The following MTA1 variants were observed in gnomAD, a reference collection of about 807,000 sequenced individuals.
MTA1 encodes the protein metastasis-associated protein MTA1.
MTA1 carries 15 observed loss-of-function variants against 97.0 expected under a neutral mutation model. The observed-to-expected ratio is 0.15, with a 90% CI of 0.10 to 0.24. The LOEUF (loss-of-function observed/expected upper bound fraction) is 0.24, where lower values mean the gene tolerates loss of function less well. MTA1 is among the 10% of genes least tolerant of loss of function. The pLI is 1.00. For synonymous variants in MTA1, 435 were observed against 417.5 expected (o/e 1.04, Z -0.51); for missense variants, 709 against 1,015.1 (o/e 0.70, Z 4.10).
chr14:105,457,638 A>G (rs2083201914), intron 7 of MTA1, among the ~76,000 whole-genome samples: 1 of 152,260 alleles, frequency 6.6e-6, no homozygotes, highest in Non-Finnish European at 1.5e-5. Context: ...CAAAATAAAA[A>G]GCTTGGGCCG....
intron 1 of MTA1, among the ~76,000 whole-genome samples, chr14:105,428,560 G>A (rs587621818): frequency 6.6e-6 from 1 of 152,240 alleles, no homozygotes; most frequent in Non-Finnish European, 1.5e-5. Flanking sequence ...GAGCCACCAT[G>A]CCCAGCCTTA....
Position 105,466,426 on chromosome 14 carries a change from A to AGGGGGGGGGGCG in MTA1, c.1626_1627insGGGGGGGGGCGG (p.Glu542_Thr543insGlyGlyGlyArg). ...GTTCTGCCTGTGTCATTCCCGGCAG[A>AGGGGGGGGGGCG]GACCCACCCCCGCCCCCCCAAGCCT... On this transcript the variant is annotated inframe_insertion and splice_region_variant, in exon 17 of 21. Transcript: ENST00000331320. The AGGGGGGGGGGCG allele has an allele frequency of 1.3e-6, 2 of 1,484,214 alleles. No homozygotes were observed. Among genetic ancestry groups the AGGGGGGGGGGCG allele is most frequent in the Non-Finnish European group, 1.9e-6 (2 of 1,071,316 alleles). 91.9% of individuals were successfully genotyped at this position (1,484,214 alleles called of 1,614,324 possible). A position where few individuals can be genotyped will look rare whatever the true frequency, so the allele number is the denominator to read the frequency against.
chr14:105,460,906 G>A lies in MTA1; in HGVS notation c.895G>A (p.Ala299Thr). 6.2e-7 allele frequency: 1 copy of A among 1,612,940 alleles called. No homozygotes were observed. The highest frequency in any genetic ancestry group is 8.5e-7 in the Non-Finnish European group (1 of 1,179,696). ...ATCAGAGGCCAACCTTTTCGAGGAA[G>A]CCCTGGAAAAATATGGGAAGGATTT... ...SASEANLFEE[A>T]LEKYGKDFTD... The change falls in exon 10 of 21, where the codon GCC (alanine) becomes ACC (threonine). Residue 299 changes from alanine to threonine, a missense_variant. Around this residue, in one of 2 missense-constraint regions of MTA1, gnomAD observed 321 missense variants for 593.5 expected, o/e 0.54. Transcript: ENST00000331320.
At chr14:105,437,017 C>T (rs980771486) in intron 1 of MTA1, among the ~76,000 whole-genome samples, 1 of 152,372 alleles carries the variant, frequency 6.6e-6, no homozygotes, top group East Asian at 1.9e-4. Context: ...CACTGCTGTG[C>T]GTGTCCCCCG....
chr14:105,435,518 A>T (rs1298538853), intron 1 of MTA1, among the ~76,000 whole-genome samples: 1 of 152,180 alleles, frequency 6.6e-6, no homozygotes, highest in Non-Finnish European at 1.5e-5. Context: ...AAACTCCTGG[A>T]CTGAAGCAAT....
At chr14:105,468,734 G>C (rs2083700867) in intron 18 of MTA1, among the ~76,000 whole-genome samples, 1 of 152,214 alleles carries the variant, frequency 6.6e-6, no homozygotes, top group South Asian at 2.1e-4. Context: ...GTCCTGCTGG[G>C]AGCCGAGCCA....
At chr14:105,445,363 C>A in intron 2 of MTA1, 55 bp from the exon 3 acceptor site, 1 of 1,537,146 alleles carries the variant, frequency 6.5e-7, no homozygotes, top group Non-Finnish European at 9.0e-7. Context: ...CTCCTGGGAG[C>A]TGTGCAGCCC....
chr14:105,458,395 G>A (rs1555430396), intron 8 of MTA1, 23 bp downstream of exon 8: 2 of 1,601,872 alleles, frequency 1.2e-6, no homozygotes, highest in Non-Finnish European at 1.7e-6. Context: ...CCTGGGCAAG[G>A]CCAGCAGGGG....
At position 105,463,488 on chromosome 14, in the gene MTA1, T is replaced by G; in HGVS notation, c.1018-5T>G. 6.2e-7 allele frequency: 1 copy of G among 1,613,100 alleles called. No individual in the cohort carries two copies. Among genetic ancestry groups the G allele is most frequent in the Non-Finnish European group, 8.5e-7 (1 of 1,179,930 alleles). On this transcript the variant is annotated splice_region_variant and splice_polypyrimidine_tract_variant and intron_variant, in intron 11 of 20. Transcript: ENST00000331320. This position sits in a 1 kb window ranked among gnomAD's most constrained non-coding sequence, Gnocchi z 5.9. Reference sequence around the variant, plus strand: ...CTGACCTCTGACCTTCTCTTTTGTTTTAAGAAACGCTTGAAAGCAGCTGAA... The same window carrying G: ...CTGACCTCTGACCTTCTCTTTTGTTGTAAGAAACGCTTGAAAGCAGCTGAA...
At chr14:105,444,713 C>A (rs1375645617) in intron 2 of MTA1, among the ~76,000 whole-genome samples, 1 of 151,174 alleles carries the variant, frequency 6.6e-6, no homozygotes, top group African/African-American at 2.4e-5. Context: ...ATCACTTGAA[C>A]CCAGGAGGCA....
At chr14:105,458,941 G>A (rs587774719) in intron 8 of MTA1, among the ~76,000 whole-genome samples, 1 of 152,324 alleles carries the variant, frequency 6.6e-6, no homozygotes, top group South Asian at 2.1e-4. Flanking sequence ...CGCCACCTGC[G>A]GGCTGCTCCC....
At chr14:105,464,632 G>C in intron 14 of MTA1, 42 bp from the exon 15 acceptor site, 1 of 1,608,310 alleles carries the variant, frequency 6.2e-7, no homozygotes, top group South Asian at 1.1e-5. Flanking sequence ...CTCGGCCCCC[G>C]GTCATGGCGC....
At chr14:105,460,588 C>A in intron 9 of MTA1, 131 bp downstream of exon 9, 1 of 1,183,998 alleles carries the variant, frequency 8.4e-7, no homozygotes, top group Non-Finnish European at 1.2e-6. Flanking sequence ...GCTGTCCCAC[C>A]TGGACTGGCC....
In MTA1 at chr14:105,420,243, G is replaced by T. The variant is rs1243161829; in HGVS notation, c.28+180G>T. On this transcript the variant is annotated intron_variant, in intron 1 of 20. Coordinates refer to ENST00000331320, the MANE Select transcript of MTA1 (RefSeq NM_004689.4). The surrounding 1 kb of genome is among the most constrained non-coding windows in gnomAD (Gnocchi z 5.3). ...TCACCCCAACCCAAAATGGCCCCGC[G>T]GGTCGGCCCCATCGGGGGCGGGCGG... is the stretch of plus-strand genomic sequence containing the variant. 1.3e-5 allele frequency among the ~76,000 whole-genome samples: 2 copies of T among 148,332 alleles called. No homozygotes were observed. Among genetic ancestry groups the T allele is most frequent in the Non-Finnish European group, 3.0e-5 (2 of 66,514 alleles).
chr14:105,467,077 G>A (rs2083625044), intron 18 of MTA1: 2 of 476,018 alleles, frequency 4.2e-6, no homozygotes, highest in South Asian at 4.3e-5. Context: ...GGCCGCCCGT[G>A]CTGTGCCTGC....
intron 18 of MTA1, 99 bp from the exon 19 acceptor site, chr14:105,469,368 C>T (rs1393168789): frequency 2.2e-6 from 3 of 1,363,260 alleles, no homozygotes; most frequent in African/African-American, 2.8e-5. Context: ...GGCAGATGGC[C>T]CCGGCCCATT....
intron 6 of MTA1, among the ~76,000 whole-genome samples, chr14:105,452,051 C>G (rs1317061012): frequency 6.6e-6 from 1 of 152,200 alleles, no homozygotes; most frequent in Non-Finnish European, 1.5e-5. Context: ...CTCTGCCTCC[C>G]GAACTGTTGG....
chr14:105,444,703 A>C (rs1555426643), intron 2 of MTA1, among the ~76,000 whole-genome samples: 3 of 150,918 alleles, frequency 2.0e-5, no homozygotes, highest in African/African-American at 7.3e-5. Flanking sequence ...AGGCAGGAGA[A>C]TCACTTGAAC....
intron 7 of MTA1, among the ~76,000 whole-genome samples, chr14:105,456,436 G>C (rs587699446): frequency 6.6e-6 from 1 of 152,140 alleles, no homozygotes; most frequent in East Asian, 1.9e-4. Flanking sequence ...CCACAAGGCC[G>C]AGCCAGCCGC....
Sources: allele counts gnomAD v4.1 joint callset (sites outside exome capture counted in the v4.1 genomes callset), GRCh38; gene constraint gnomAD v4.1.1; regional missense constraint gnomAD v4.1.1; non-coding constraint Gnocchi (gnomAD v3.1); transcripts MANE v1.5; gene names NCBI Gene and HGNC (gene_info 2026-07-23, HGNC 2026-07-21).